The following EPHA7 variants were observed in gnomAD, a reference collection of about 807,000 sequenced individuals.
The protein encoded by EPHA7 is ephrin type-A receptor 7.
Under a neutral mutation model 112.6 loss-of-function variants are expected in EPHA7, and 25 were observed. The observed-to-expected ratio is 0.22, with a 90% CI of 0.16 to 0.31. The LOEUF is 0.31. EPHA7 is among the 10% of genes least tolerant of loss of function. The pLI is 1.00. For synonymous variants in EPHA7, 437 were observed against 406.5 expected, an observed-to-expected ratio of 1.07 and a Z score of -0.90; for missense variants, 962 against 1,212.6, an observed-to-expected ratio of 0.79 and a Z score of 3.07.
intron 5 of EPHA7, among the ~76,000 whole-genome samples, chr6:93,291,191 T>C (rs538122334): frequency 6.6e-6 from 1 of 152,204 alleles, no homozygotes; most frequent in Non-Finnish European, 1.5e-5. Context: ...AGCAATTGTG[T>C]AACATATTTT....
In EPHA7 at chr6:93,245,379, G is replaced by T; in HGVS notation, c.2801C>A (p.Ala934Asp). The T allele has an allele frequency of 1.2e-6, 2 of 1,613,730 alleles. No homozygotes were observed. Among genetic ancestry groups the T allele is most frequent in the Non-Finnish European group, 1.7e-6 (2 of 1,179,878 alleles). ...ATCTTTATATCTTTCCATCTTAATA[G>T]CTTGTAGCCATTCTCCAACTGAACA... ...TFCSVGEWLQ[A>D]IKMERYKDNF... The change falls in exon 16 of 17, where the codon GCT becomes GAT. Residue 934 changes from alanine to aspartate, a missense_variant. This residue lies in a region of EPHA7 where 746 missense variants were observed against 889.2 expected (regional missense o/e 0.84). Transcript: ENST00000369303.
intron 5 of EPHA7, among the ~76,000 whole-genome samples, chr6:93,294,685 T>A (rs890722158): frequency 6.6e-6 from 1 of 152,114 alleles, no homozygotes; most frequent in Non-Finnish European, 1.5e-5. Flanking sequence ...AATTATAACA[T>A]GCCAGCTCTC....
chr6:93,243,484 C>T lies in EPHA7; in HGVS notation c.2939G>A (p.Ser980Asn). Residue 980 changes from serine to asparagine, a missense_variant, in exon 17 of 17, where the codon AGC (serine) becomes AAC (asparagine). This residue lies in a region of EPHA7 where 746 missense variants were observed against 889.2 expected (regional missense o/e 0.84). Coordinates refer to ENST00000369303, the MANE Select transcript of EPHA7 (RefSeq NM_004440.4). ...LVGHQKKIMS[S>N]IQTMRAQMLH... ...CATTTGTGCTCTCATAGTCTGAATG[C>T]TGCTCATGATTTTCTTTTGATGACC... The T allele has an allele frequency of 6.2e-7, 1 of 1,613,584 alleles. No homozygotes were observed. Among genetic ancestry groups the T allele is most frequent in the Non-Finnish European group, 8.5e-7 (1 of 1,179,638 alleles).
intron 3 of EPHA7, among the ~76,000 whole-genome samples, chr6:93,359,874 G>GAGAGAGAGAGAGAGAGATAGATAGAT (rs1462833873): frequency 1.6e-5 from 2 of 127,850 alleles, no homozygotes; most frequent in Non-Finnish European, 3.4e-5. Flanking sequence ...GAGAGAGAGA[G>GAGAGAGAGAGAGAGAGATAGATAGAT]AGATAGATAG....
intron 5 of EPHA7, among the ~76,000 whole-genome samples, chr6:93,342,473 CAA>C (rs1339304669): frequency 2.0e-5 from 3 of 151,660 alleles, no homozygotes; most frequent in Non-Finnish European, 4.4e-5. Context: ...TAAAAAATGA[CAA>C]GTGATGAATT....
chr6:93,264,551 C>G, intron 8 of EPHA7, 43 bp downstream of exon 8: 1 of 1,279,354 alleles, frequency 7.8e-7, no homozygotes, highest in Admixed American at 2.0e-5. Context: ...TCTTAAAAAA[C>G]AATACATTTT....
intron 5 of EPHA7, among the ~76,000 whole-genome samples, chr6:93,316,039 G>A (rs1773792713): frequency 2.0e-5 from 3 of 152,168 alleles, no homozygotes; most frequent in African/African-American, 7.2e-5. Context: ...TTTTGAAAGT[G>A]ATAAGAGGGT....
chr6:93,361,047 C>A (rs1051299994), intron 3 of EPHA7, among the ~76,000 whole-genome samples: 1 of 151,928 alleles, frequency 6.6e-6, no homozygotes, highest in African/African-American at 2.4e-5. Flanking sequence ...GAAATAATAT[C>A]CCAACATACC....
intron 5 of EPHA7, among the ~76,000 whole-genome samples, chr6:93,305,121 T>A (rs1305591396): frequency 6.6e-6 from 1 of 151,992 alleles, no homozygotes; most frequent in Admixed American, 6.6e-5. Flanking sequence ...TGTCCACAAC[T>A]ATTTCTATAG....
intron 5 of EPHA7, among the ~76,000 whole-genome samples, chr6:93,322,487 A>G (rs1017892282): frequency 6.6e-6 from 1 of 151,570 alleles, no homozygotes; most frequent in Admixed American, 6.6e-5. Flanking sequence ...TTTCTGATAA[A>G]TATACTGGAG....
intron 5 of EPHA7, among the ~76,000 whole-genome samples, chr6:93,283,809 C>G (rs567211026): frequency 6.0e-4 from 91 of 152,216 alleles, no homozygotes; most frequent in African/African-American, 2.1e-3. Flanking sequence ...CAATTCCGGA[C>G]ACAGTAATAT....
At chr6:93,368,088 CAAAT>C (rs1776605291) in intron 3 of EPHA7, among the ~76,000 whole-genome samples, 1 of 152,098 alleles carries the variant, frequency 6.6e-6, no homozygotes, top group Non-Finnish European at 1.5e-5. Context: ...GCTAAAAAGA[CAAAT>C]AATGAGGATC....
chr6:93,363,781 T>A (rs1158660639), intron 3 of EPHA7, among the ~76,000 whole-genome samples: 1 of 152,194 alleles, frequency 6.6e-6, no homozygotes. Context: ...CATAGTGGAA[T>A]TATTTGTAAT....
chr6:93,301,480 CTG>C (rs1772974236), intron 5 of EPHA7, among the ~76,000 whole-genome samples: 1 of 152,094 alleles, frequency 6.6e-6, no homozygotes, highest in Non-Finnish European at 1.5e-5. Flanking sequence ...AGGGTAAAAT[CTG>C]TATAAATCCA....
At chr6:93,357,891 T>A (rs1163203455) in intron 4 of EPHA7, among the ~76,000 whole-genome samples, 2 of 152,012 alleles carry the variant, frequency 1.3e-5, no homozygotes, top group African/African-American at 4.8e-5. Flanking sequence ...TGACCTCAGG[T>A]GATTATGATC....
intron 5 of EPHA7, among the ~76,000 whole-genome samples, chr6:93,294,330 G>C (rs1484237869): frequency 2.0e-5 from 3 of 152,176 alleles, no homozygotes; most frequent in African/African-American, 7.2e-5. Flanking sequence ...TAAATGGGCA[G>C]TGTATCAGGG....
intron 2 of EPHA7, 86 bp from the exon 3 acceptor site, chr6:93,411,256 T>C: frequency 1.7e-6 from 2 of 1,145,100 alleles, no homozygotes; most frequent in East Asian, 4.7e-5. Context: ...CAAATACAGA[T>C]CTTCGAAAAA....
At chr6:93,305,111 T>G (rs1773185637) in intron 5 of EPHA7, among the ~76,000 whole-genome samples, 1 of 152,010 alleles carries the variant, frequency 6.6e-6, no homozygotes. Flanking sequence ...TGTTTTTTTT[T>G]GTCCACAACT....
At chr6:93,348,574 T>C (rs114537909) in intron 5 of EPHA7, among the ~76,000 whole-genome samples, 2,187 of 152,008 alleles carry the variant, frequency 0.014, 59 homozygotes, top group African/African-American at 0.05. Flanking sequence ...TTGTTTAAAA[T>C]TCCTGTGTAA....
Sources: allele counts gnomAD v4.1 joint callset (sites outside exome capture counted in the v4.1 genomes callset), GRCh38; gene constraint gnomAD v4.1.1; regional missense constraint gnomAD v4.1.1; transcripts MANE v1.5; gene names NCBI Gene and HGNC (gene_info 2026-07-23, HGNC 2026-07-21).